Variants in CCDC191 observed in about 807,000 individuals in gnomAD.
The protein encoded by CCDC191 is coiled-coil domain-containing protein 191.
Under a neutral mutation model 114.0 loss-of-function variants are expected in CCDC191, and 99 were observed. That is an observed-to-expected ratio of 0.87 (90% CI 0.74 to 1.03). The LOEUF (loss-of-function observed/expected upper bound fraction) is 1.03. CCDC191 is among the 50% of genes least tolerant of loss of function. CCDC191 has a pLI of 0.00. For synonymous variants in CCDC191, 351 were observed against 376.0 expected, an observed-to-expected ratio of 0.93 and a Z score of 0.77; for missense variants, 973 against 1,087.0, an observed-to-expected ratio of 0.90 and a Z score of 1.47.
At chr3:114,034,366 C>T (rs945027570) in intron 6 of CCDC191, among the ~76,000 whole-genome samples, 1 of 152,014 alleles carries the variant, frequency 6.6e-6, no homozygotes, top group African/African-American at 2.4e-5. Context: ...GATAAACTGG[C>T]CTGCTGCTGA....
intron 7 of CCDC191, among the ~76,000 whole-genome samples, chr3:114,021,193 A>G (rs929431928): frequency 2.6e-5 from 4 of 152,160 alleles, no homozygotes; most frequent in African/African-American, 9.7e-5. Flanking sequence ...CGTGGTAGAA[A>G]AGCATTGGTT....
intron 16 of CCDC191, among the ~76,000 whole-genome samples, chr3:113,968,487 C>T (rs961655652): frequency 2.0e-4 from 30 of 151,544 alleles, no homozygotes; most frequent in Non-Finnish European, 4.1e-4. Context: ...GTCACTCTGT[C>T]GCCCAGGCTG....
chr3:113,968,778 A>T (rs1940494151), intron 16 of CCDC191, among the ~76,000 whole-genome samples: 1 of 150,614 alleles, frequency 6.6e-6, no homozygotes, highest in Non-Finnish European at 1.5e-5. Context: ...TTTAAATTGG[A>T]TTTTTTTTTG....
chr3:113,970,857 G>A (rs1577308380), intron 16 of CCDC191, among the ~76,000 whole-genome samples: 3 of 152,158 alleles, frequency 2.0e-5, no homozygotes, highest in Admixed American at 6.5e-5. Flanking sequence ...TGAGAATGAC[G>A]GTTTCCAGCT....
chr3:113,965,001 G>GT lies in CCDC191; in HGVS notation c.*153_*154insA. On this transcript the variant is annotated 3_prime_UTR_variant, in exon 17 of 17. Coordinates refer to ENST00000295878, the MANE Select transcript of CCDC191 (RefSeq NM_020817.2). ...GACTAGCAATCCAGGAAAAGTCAAA[G>GT]AAGGGAATAAAAATTCTCAAAATAA... 2 of 449,474 alleles carry GT rather than the reference G, an allele frequency of 4.4e-6. No individual in the cohort carries two copies. The highest frequency in any genetic ancestry group is 7.8e-6 in the Non-Finnish European group (2 of 257,720). 27.8% of individuals were successfully genotyped at this position (449,474 alleles called of 1,614,324 possible).
intron 2 of CCDC191, chr3:114,047,121 A>T: frequency 1.0e-6 from 1 of 983,600 alleles, no homozygotes; most frequent in Non-Finnish European, 1.2e-6. Flanking sequence ...TATGAACCAG[A>T]GGTAGAGTAA....
Position 113,978,907 on chromosome 3 carries a change from T to A in CCDC191, c.2411A>T (p.Gln804Leu), listed in dbSNP as rs778063883. 5.0e-6 allele frequency: 8 copies of A among 1,613,944 alleles called. No individual in the cohort carries two copies. Among genetic ancestry groups the A allele is most frequent in the Non-Finnish European group, 5.1e-6 (6 of 1,179,970 alleles). The stretch of plus-strand genomic sequence containing the variant: ...CTTAAGCAGTATTTGGGAATAAAAT[T>A]GATCAGCCTGGGCCATCTTTCTAGC... ...SLARKMAQAD[Q>L]FYSQILLKRV... The change falls in exon 15 of 17, where the codon CAA (glutamine) becomes CTA (leucine). Residue 804 changes from glutamine to leucine, a missense_variant. By Grantham distance (113) the Gln-to-Leu change is moderately radical. Coordinates refer to ENST00000295878, the MANE Select transcript of CCDC191 (RefSeq NM_020817.2).
intron 4 of CCDC191, among the ~76,000 whole-genome samples, chr3:114,039,223 G>T (rs1196553249): frequency 6.6e-6 from 1 of 151,872 alleles, no homozygotes; most frequent in Non-Finnish European, 1.5e-5. Flanking sequence ...AAAAAAAATT[G>T]GGCTGGGCAC....
intron 16 of CCDC191, among the ~76,000 whole-genome samples, chr3:113,966,396 G>A (rs749081675): frequency 1.1e-4 from 17 of 152,256 alleles, no homozygotes; most frequent in Non-Finnish European, 2.1e-4. Flanking sequence ...TCTGCCCCGG[G>A]AGAGGCTGAA....
intron 16 of CCDC191, among the ~76,000 whole-genome samples, chr3:113,970,856 C>T (rs1012349739): frequency 4.2e-4 from 64 of 152,066 alleles, no homozygotes; most frequent in African/African-American, 5.8e-4. Flanking sequence ...CTGAGAATGA[C>T]GGTTTCCAGC....
chr3:114,010,317 T>A (rs1235353046), intron 9 of CCDC191, among the ~76,000 whole-genome samples: 1 of 152,214 alleles, frequency 6.6e-6, no homozygotes, highest in Non-Finnish European at 1.5e-5. Flanking sequence ...TATCTATAGA[T>A]GACAGAATTA....
At chr3:113,965,768 T>A (rs1161477185) in intron 16 of CCDC191, among the ~76,000 whole-genome samples, 1 of 151,996 alleles carries the variant, frequency 6.6e-6, no homozygotes, top group Non-Finnish European at 1.5e-5. Flanking sequence ...TTTTTTTTTG[T>A]ATTTTTATTG....
chr3:114,047,936 C>T (rs1182432712), intron 2 of CCDC191, among the ~76,000 whole-genome samples: 1 of 152,090 alleles, frequency 6.6e-6, no homozygotes, highest in Non-Finnish European at 1.5e-5. Flanking sequence ...GATTGTGCCA[C>T]TGTACTCCAG....
chr3:114,056,404 T>A lies in CCDC191; in HGVS notation c.63A>T (p.Lys21Asn). 6.2e-7 allele frequency: 1 copy of A among 1,614,130 alleles called. No homozygotes were observed. ...TGGGACTCGGCTTCCTTGTGAACCG[T>A]TTCCAGCGATTCAGCCCCATCCTTT... ...SKKRMGLNRW[K>N]RFTRKPSPKP... The change falls in exon 1 of 17, where the codon AAA becomes AAT. Residue 21 changes from lysine to asparagine, a missense_variant. Lys to Asn is a moderately conservative substitution (Grantham distance 94). Coordinates refer to ENST00000295878, the MANE Select transcript of CCDC191 (RefSeq NM_020817.2).
At chr3:114,044,702 G>GTATAGTAAT (rs1383718014) in intron 3 of CCDC191, among the ~76,000 whole-genome samples, 2 of 152,200 alleles carry the variant, frequency 1.3e-5, no homozygotes, top group African/African-American at 4.8e-5. Context: ...ACATTTATGT[G>GTATAGTAAT]TATAGTAATT....
intron 13 of CCDC191, among the ~76,000 whole-genome samples, chr3:113,995,350 C>T (rs1391217231): frequency 6.6e-6 from 1 of 152,136 alleles, no homozygotes; most frequent in East Asian, 1.9e-4. Flanking sequence ...GAAGTTGTAA[C>T]ATGAAGGAAC....
intron 13 of CCDC191, among the ~76,000 whole-genome samples, chr3:113,990,840 C>T (rs1274784649): frequency 6.8e-6 from 1 of 146,760 alleles, no homozygotes; most frequent in Non-Finnish European, 1.5e-5. Context: ...GTGGTGCATG[C>T]TTAGAATCCC....
rs149140610 is a variant in CCDC191 at position 113,990,998 on chromosome 3, G to A, written c.2164-10205C>T. On this transcript the variant is annotated intron_variant, in intron 13 of 16. Coordinates refer to ENST00000295878, the MANE Select transcript of CCDC191 (RefSeq NM_020817.2). ...CATGCCTGTAATCCCAGCACTTTGGGAGACTGAAGTGGGCGGATCACAAGG... is the reference window on the plus strand; with the variant it reads ...CATGCCTGTAATCCCAGCACTTTGGAAGACTGAAGTGGGCGGATCACAAGG... Among the ~76,000 whole-genome samples the A allele has an allele frequency of 5.4e-3, 801 of 149,606 alleles. 6 individuals are homozygous for A. The highest frequency in any genetic ancestry group is 0.018 in the African/African-American group (748 of 40,768).
intron 6 of CCDC191, among the ~76,000 whole-genome samples, chr3:114,032,651 T>C (rs377158627): frequency 1.3e-5 from 2 of 152,208 alleles, no homozygotes; most frequent in African/African-American, 2.4e-5. Flanking sequence ...CAGAGTACCC[T>C]ACCCCTTCTC....
Sources: gnomAD v4.1 joint callset for allele counts (sites outside exome capture counted in the v4.1 genomes callset) on GRCh38, gnomAD v4.1.1 for gene constraint, MANE v1.5 for transcripts, NCBI Gene and HGNC (gene_info 2026-07-23, HGNC 2026-07-21) for gene names.